Variants in DAP3 observed in about 807,000 individuals in gnomAD.
DAP3 encodes death associated protein 3, also known as small ribosomal subunit protein mS29.
Under a neutral mutation model 51.9 loss-of-function variants are expected in DAP3, and 28 were observed. The ratio of observed to expected loss-of-function variants is 0.54; its 90% CI spans 0.40 to 0.74. The LOEUF (loss-of-function observed/expected upper bound fraction) is 0.74, where lower values mean the gene tolerates loss of function less well. DAP3 is among the 30% of genes least tolerant of loss of function. The probability of loss-of-function intolerance (pLI) is 0.00; values close to 1 mark genes in which losing one functional copy is unlikely to be tolerated. For missense variants in DAP3, 458 were observed against 483.5 expected, an observed-to-expected ratio of 0.95 and a Z score of 0.49; for synonymous variants, 170 against 170.3, an observed-to-expected ratio of 1.00 and a Z score of 0.01.
Position 155,721,492 on chromosome 1 carries a change from AC to A in DAP3, c.169-23del, listed in dbSNP as rs753684492. ...GTCTTGGTCACTTTGTCACCATTAT[AC>A]CTGTTTGCACTCTTATTTCCTAGGC... On this transcript the variant is annotated intron_variant, in intron 3 of 12. Coordinates refer to ENST00000368336, the MANE Select transcript of DAP3 (RefSeq NM_004632.4). The A allele has an allele frequency of 2.5e-6, 4 of 1,611,830 alleles. No individual in the cohort carries two copies. The South Asian group carries it at 4.4e-5, about 18-fold the overall frequency.
At chr1:155,712,612 C>CATA (rs1656851065) in intron 2 of DAP3, among the ~76,000 whole-genome samples, 1 of 55,520 alleles carries the variant, frequency 1.8e-5, no homozygotes, top group Admixed American at 2.1e-4. Flanking sequence ...AACTCCGTCT[C>CATA]AAAAAAAAAA....
intron 1 of DAP3, among the ~76,000 whole-genome samples, chr1:155,706,878 A>T (rs1281675075): frequency 6.6e-6 from 1 of 151,992 alleles, no homozygotes; most frequent in Non-Finnish European, 1.5e-5. Context: ...GGATCACCTG[A>T]GGTCAGGAGT....
chr1:155,738,647 C>A lies in DAP3; in HGVS notation c.*405C>A. The A allele has an allele frequency of 6.3e-6, 1 of 158,036 alleles. No individual in the cohort carries two copies. The highest frequency in any genetic ancestry group is 1.9e-4 in the South Asian group (1 of 5,284). 9.8% of individuals were successfully genotyped at this position (158,036 alleles called of 1,614,324 possible). ...AATTCTACAGAAATTTCCAGTGGTT[C>A]TGTTGAGGCTTTATGGAATTCAGCA... On this transcript the variant is annotated 3_prime_UTR_variant, in exon 13 of 13. Transcript: ENST00000368336.
chr1:155,715,783 G>A lies in DAP3; in HGVS notation c.46-1223G>A, dbSNP rs142306136. On this transcript the variant is annotated intron_variant, in intron 2 of 12. Coordinates refer to ENST00000368336, the MANE Select transcript of DAP3 (RefSeq NM_004632.4). ...TTGTTAGATTTGTCTACCGAAATCC[G>A]CCCCCTTCCCCTCCCTGTTGGTTCA... 2.8e-3 allele frequency among the ~76,000 whole-genome samples: 428 copies of A among 152,146 alleles called. 1 individual carries two copies. The highest frequency in any genetic ancestry group is 4.4e-3 in the Non-Finnish European group (300 of 68,010).
chr1:155,728,907 G>A, intron 7 of DAP3, 135 bp from the exon 8 acceptor site: 1 of 737,354 alleles, frequency 1.4e-6, no homozygotes, highest in Middle Eastern at 3.8e-4. Flanking sequence ...TCTACATTGA[G>A]GTCTCTTACA....
intron 1 of DAP3, among the ~76,000 whole-genome samples, chr1:155,693,190 G>A (rs1654076535): frequency 7.1e-6 from 1 of 141,656 alleles, no homozygotes; most frequent in Admixed American, 6.6e-5. Flanking sequence ...ATCAATACAG[G>A]TGAAAAGGTG....
At chr1:155,724,361 T>A (rs1658330408) in intron 4 of DAP3, among the ~76,000 whole-genome samples, 1 of 152,116 alleles carries the variant, frequency 6.6e-6, no homozygotes, top group Non-Finnish European at 1.5e-5. Flanking sequence ...TTAGGCCAGG[T>A]GCGGTGGCTC....
Position 155,729,194 on chromosome 1 carries a change from G to A in DAP3, c.685-14G>A. 1 of 1,614,114 alleles carries A rather than the reference G, an allele frequency of 6.2e-7. No homozygotes were observed. ...GCCTCTGGTAGCACTACAATCCACT[G>A]TCTCTCCCAATAGGGCATAACACGG... is the stretch of plus-strand genomic sequence containing the variant. On this transcript the variant is annotated splice_polypyrimidine_tract_variant and intron_variant, in intron 8 of 12. Transcript: ENST00000368336.
At chr1:155,705,177 T>A (rs1249796167) in intron 1 of DAP3, among the ~76,000 whole-genome samples, 1 of 151,800 alleles carries the variant, frequency 6.6e-6, no homozygotes, top group East Asian at 1.9e-4. Context: ...TTCCAGCTAC[T>A]TGGGAGGCTG....
chr1:155,697,423 G>A (rs917201861), intron 1 of DAP3, among the ~76,000 whole-genome samples: 13 of 152,148 alleles, frequency 8.5e-5, no homozygotes, highest in African/African-American at 2.4e-4. Flanking sequence ...TCTATTTTCC[G>A]TAAGTGTGCC....
At chr1:155,720,639 A>G (rs1006724413) in intron 3 of DAP3, among the ~76,000 whole-genome samples, 2 of 150,942 alleles carry the variant, frequency 1.3e-5, no homozygotes, top group African/African-American at 4.9e-5. Flanking sequence ...CAAGAGTGAA[A>G]CTCCATCTCA....
rs554558290 is a variant in DAP3 at position 155,714,061 on chromosome 1, G to A, written c.46-2945G>A. On this transcript the variant is annotated intron_variant, in intron 2 of 12. Transcript: ENST00000368336. Reference sequence around the variant, plus strand: ...GGAAAGATTTAAATGGGGAGAGAGGGAAGTTGAAGTAGAATGAGCAGAAGT... The same window carrying A: ...GGAAAGATTTAAATGGGGAGAGAGGAAAGTTGAAGTAGAATGAGCAGAAGT... 2.6e-5 allele frequency among the ~76,000 whole-genome samples: 4 copies of A among 152,286 alleles called. No homozygotes were observed. The South Asian group carries it at 6.2e-4, about 24-fold the overall frequency.
At chr1:155,711,625 G>C (rs1448951865) in intron 2 of DAP3, among the ~76,000 whole-genome samples, 1 of 150,998 alleles carries the variant, frequency 6.6e-6, no homozygotes, top group Non-Finnish European at 1.5e-5. Flanking sequence ...GACTGTATTA[G>C]TCAGGGTTCT....
chr1:155,688,352 G>T (rs1356178686), upstream of DAP3: 3 of 1,548,374 alleles, frequency 1.9e-6, no homozygotes, highest in Admixed American at 3.9e-5. Flanking sequence ...GAGTGGCCGC[G>T]GCAGCTCCTC....
intron 2 of DAP3, among the ~76,000 whole-genome samples, chr1:155,714,325 A>G (rs774405056): frequency 7.2e-5 from 11 of 152,154 alleles, no homozygotes; most frequent in Non-Finnish European, 1.2e-4. Flanking sequence ...TTTAGTTCCC[A>G]ACTAGCTGGG....
intron 2 of DAP3, among the ~76,000 whole-genome samples, chr1:155,713,837 A>G (rs1427112676): frequency 6.6e-6 from 1 of 152,232 alleles, no homozygotes; most frequent in Non-Finnish European, 1.5e-5. Flanking sequence ...AAACTAGTAC[A>G]TGTACAATAC....
chr1:155,730,540 CAA>C (rs1264615283), intron 9 of DAP3, among the ~76,000 whole-genome samples: 1 of 151,882 alleles, frequency 6.6e-6, no homozygotes, highest in African/African-American at 2.4e-5. Context: ...GGCTTGAGCC[CAA>C]GAGGCAGAGC....
At chr1:155,715,395 ACCTGTAGT>A (rs964252519) in intron 2 of DAP3, among the ~76,000 whole-genome samples, 2 of 151,744 alleles carry the variant, frequency 1.3e-5, no homozygotes, top group Non-Finnish European at 2.9e-5. Context: ...AGTGGCATGC[ACCTGTAGT>A]CCCAGCTACT....
At chr1:155,708,872 T>G (rs1656340526) in intron 1 of DAP3, among the ~76,000 whole-genome samples, 1 of 151,850 alleles carries the variant, frequency 6.6e-6, no homozygotes, top group Non-Finnish European at 1.5e-5. Context: ...ACCTAGCTAT[T>G]TTTTTGCATT....
Sources: allele counts gnomAD v4.1 joint callset (sites outside exome capture counted in the v4.1 genomes callset), GRCh38; gene constraint gnomAD v4.1.1; transcripts MANE v1.5; gene names NCBI Gene and HGNC (gene_info 2026-07-23, HGNC 2026-07-21).